Variants in SBF1 observed in about 807,000 individuals in gnomAD.
The protein encoded by SBF1 is myotubularin-related protein 5.
Under a neutral mutation model 215.8 loss-of-function variants are expected in SBF1, and 65 were observed. That is an observed-to-expected ratio of 0.30 (90% CI 0.25 to 0.37). The LOEUF (loss-of-function observed/expected upper bound fraction) is 0.37. SBF1 is among the 10% of genes least tolerant of loss of function. The pLI is 1.00. For synonymous variants in SBF1, 1,410 were observed against 1,122.8 expected, an observed-to-expected ratio of 1.26 and a Z score of -5.11; for missense variants, 2,634 against 2,667.8, an observed-to-expected ratio of 0.99 and a Z score of 0.28.
chr22:50,465,654 G>A, intron 10 of SBF1, 109 bp downstream of exon 10: 2 of 1,034,406 alleles, frequency 1.9e-6, no homozygotes, highest in Non-Finnish European at 2.8e-6. Context: ...TCTGCTACTG[G>A]AGCCGGGGCC....
Position 50,460,576 on chromosome 22 carries a change from C to T in SBF1, c.3104G>A (p.Gly1035Asp). ...AFTLGSAHTP[G>D]RPPRVTKDKG... is the part of the protein sequence containing the mutation. ...GTCCTTGGTGACTCGCGGTGGCCGG[C>T]CAGGTGTGTGGGCAGAGCCCAAGGT... Residue 1035 changes from glycine (G) to aspartate (D), a missense_variant, in exon 24 of 41, where the codon GGC (glycine) becomes GAC (aspartate). Gly to Asp is a moderately conservative substitution (Grantham distance 94). Transcript: ENST00000380817. 6.2e-7 allele frequency: 1 copy of T among 1,614,120 alleles called. No homozygotes were observed. The highest frequency in any genetic ancestry group is 8.5e-7 in the Non-Finnish European group (1 of 1,180,026).
intron 1 of SBF1, among the ~76,000 whole-genome samples, chr22:50,473,186 A>C (rs895464568): frequency 6.6e-6 from 1 of 152,018 alleles, no homozygotes; most frequent in Non-Finnish European, 1.5e-5. Context: ...AGTCTCTACC[A>C]ACCCAAACCC....
chr22:50,462,128 G>C lies in SBF1; in HGVS notation c.2397-9C>G, dbSNP rs756406937. 10 of 1,612,248 alleles carry C rather than the reference G, an allele frequency of 6.2e-6. No homozygotes were observed. The Admixed American group carries it at 1.3e-4, about 21-fold the overall frequency. ...CCACACTGCCAGCCATGCTGGGCCA[G>C]AGAAGAAACTGTGGGCATGGGCCCT... On this transcript the variant is annotated splice_polypyrimidine_tract_variant and intron_variant, in intron 19 of 40. Transcript: ENST00000380817.
intron 30 of SBF1, 24 bp downstream of exon 30, chr22:50,456,468 C>A: frequency 2.0e-6 from 3 of 1,503,926 alleles, no homozygotes; most frequent in Non-Finnish European, 2.7e-6. Context: ...CACCCTCACC[C>A]CCCACCCCCC....
In SBF1 at chr22:50,467,778, A is replaced by C; in HGVS notation, c.279+8T>G. 6.2e-7 allele frequency: 1 copy of C among 1,613,776 alleles called. No individual in the cohort carries two copies. Among genetic ancestry groups the C allele is most frequent in the Non-Finnish European group, 8.5e-7 (1 of 1,179,940 alleles). ...CATTCATGCTGTACCCAGAGGCCCC[A>C]AGCTGACCTGTGAAGGCTCCGCTGG... On this transcript the variant is annotated splice_region_variant and intron_variant, in intron 3 of 40. Coordinates refer to ENST00000380817, the MANE Select transcript of SBF1 (RefSeq NM_002972.4).
chr22:50,454,901 C>G lies in SBF1; in HGVS notation c.4725G>C (p.Pro1575=), dbSNP rs778315437. The change falls in exon 35 of 41, where the codon CCG becomes CCC. Residue 1575 remains proline, a synonymous_variant. Coordinates refer to ENST00000380817, the MANE Select transcript of SBF1 (RefSeq NM_002972.4). ...EEKGERRGQV[P]CRSVWEYVDR... ...CCACATACTCCCACACAGACCTGCA[C>G]GGCACCTGGCCCCTGCGTTCCCCCT... The G allele has an allele frequency of 6.2e-7, 1 of 1,614,118 alleles. No homozygotes were observed. The highest frequency in any genetic ancestry group is 1.1e-5 in the South Asian group (1 of 91,084).
In SBF1 at chr22:50,461,623, C is replaced by T. The variant is rs137999607; in HGVS notation, c.2739G>A (p.Ala913=). ...YLLPDGREEG[A]GGSAGGPALL... ...ATGCTGGTCCCCCAGCACTGCCCCCCGCGCCCTCCTCACGCCCATCCGGCA... is the reference window on the plus strand; with the variant it reads ...ATGCTGGTCCCCCAGCACTGCCCCCTGCGCCCTCCTCACGCCCATCCGGCA... The change falls in exon 22 of 41, where the codon GCG becomes GCA. Residue 913 remains alanine, a synonymous_variant. Coordinates refer to ENST00000380817, the MANE Select transcript of SBF1 (RefSeq NM_002972.4). The T allele has an allele frequency of 1.1e-5, 17 of 1,611,564 alleles. No individual in the cohort carries two copies. The highest frequency in any genetic ancestry group is 1.7e-4 in the Middle Eastern group (1 of 6,058).
Position 50,467,467 on chromosome 22 carries a change from G to C in SBF1, c.439-19C>G, listed in dbSNP as rs2067817375. 6.2e-7 allele frequency: 1 copy of C among 1,613,928 alleles called. No homozygotes were observed. Among genetic ancestry groups the C allele is most frequent in the Non-Finnish European group, 8.5e-7 (1 of 1,179,948 alleles). ...GGCTGTTCTGCAATGACCAGAGCGG[G>C]GAGTGGTGGGACAGCCGATGGAAGC... On this transcript the variant is annotated intron_variant, in intron 4 of 40. Transcript: ENST00000380817.
rs753421069 is a variant in SBF1, at chr22:50,465,813, C to T, written c.1039G>A (p.Asp347Asn). 1.2e-6 allele frequency: 2 copies of T among 1,612,040 alleles called. No homozygotes were observed. Among genetic ancestry groups the T allele is most frequent in the African/African-American group, 2.7e-5 (2 of 74,902 alleles). The stretch of plus-strand genomic sequence containing the variant: ...GTCGTGGGCGGAGGGAAGGCGAGGT[C>T]AGCCAACTCCAGCTCCGGGTCCAGG... ...MVLDPELELADLAFPPPTTST... is the reference protein window; with the variant it reads ...MVLDPELELANLAFPPPTTST... Residue 347 changes from aspartate to asparagine, a missense_variant, in exon 10 of 41, where the codon GAC (aspartate) becomes AAC (asparagine). Coordinates refer to ENST00000380817, the MANE Select transcript of SBF1 (RefSeq NM_002972.4).
At chr22:50,449,025 G>A (rs928961484) in intron 36 of SBF1, among the ~76,000 whole-genome samples, 1 of 151,734 alleles carries the variant, frequency 6.6e-6, no homozygotes, top group African/African-American at 2.4e-5. Flanking sequence ...TGGAGAAACC[G>A]CATCTCTACT....
chr22:50,446,830 G>T lies in SBF1; in HGVS notation c.*312C>A, dbSNP rs1380512033. On this transcript the variant is annotated 3_prime_UTR_variant, in exon 41 of 41. Coordinates refer to ENST00000380817, the MANE Select transcript of SBF1 (RefSeq NM_002972.4). ...GTGGCGTTAGTTCTCTCTTTATATA[G>T]ACTCTGGTTCTAGAAACTCGCCTGC... 2.8e-6 allele frequency: 2 copies of T among 704,018 alleles called. No individual in the cohort carries two copies. Among genetic ancestry groups the T allele is most frequent in the Non-Finnish European group, 5.3e-6 (2 of 379,662 alleles). 43.6% of individuals were successfully genotyped at this position (704,018 alleles called of 1,614,324 possible).
intron 5 of SBF1, 121 bp downstream of exon 5, chr22:50,467,217 C>A (rs893398610): frequency 1.3e-6 from 1 of 774,704 alleles, no homozygotes; most frequent in Non-Finnish European, 2.1e-6. Flanking sequence ...GGCACGAGGA[C>A]GCAAGAGGGA....
intron 28 of SBF1, 92 bp from the exon 29 acceptor site, chr22:50,457,203 GC>G: frequency 4.7e-6 from 5 of 1,066,312 alleles, no homozygotes; most frequent in Non-Finnish European, 6.4e-6. Flanking sequence ...GTTCCACCAA[GC>G]CCCCAGGGAG....
In SBF1 at chr22:50,464,876, G is replaced by A. The variant is rs1357454290; in HGVS notation, c.1374C>T (p.Asn458=). ...CGTGACGCAGGACACGCTGGGGGTG[G>A]TTCTCATCCGCCCGCATCCTTGCCA... is the stretch of plus-strand genomic sequence containing the variant. ...HEVARMRADE[N]HPQRVLRHVQ... The change falls in exon 13 of 41, where the codon AAC becomes AAT. Residue 458 remains asparagine, a synonymous_variant. Coordinates refer to ENST00000380817, the MANE Select transcript of SBF1 (RefSeq NM_002972.4). 2 of 1,613,724 alleles carry A rather than the reference G, an allele frequency of 1.2e-6. No individual in the cohort carries two copies. The highest frequency in any genetic ancestry group is 1.1e-5 in the South Asian group (1 of 91,076).
chr22:50,468,225 G>T, intron 2 of SBF1, 151 bp downstream of exon 2: 1 of 760,176 alleles, frequency 1.3e-6, no homozygotes, highest in Non-Finnish European at 2.1e-6. Context: ...GGCCAAGCCG[G>T]TCAAACCCCC....
At position 50,462,295 on chromosome 22, in the gene SBF1, A is replaced by G. The variant is rs1489023871; in HGVS notation, c.2306T>C (p.Leu769Pro). The change falls in exon 19 of 41, where the codon CTG becomes CCG. Residue 769 changes from leucine to proline, a missense_variant. By Grantham distance (98) the Leu-to-Pro change is moderately conservative. Transcript: ENST00000380817. ...GCGGCTCTTGCTGCTGTCCAGGGGCAGGAGGAGGTAGCTCATGCGGTTGGC... is the reference window on the plus strand; with the variant it reads ...GCGGCTCTTGCTGCTGTCCAGGGGCGGGAGGAGGTAGCTCATGCGGTTGGC... ...HYANRMSYLL[L>P]PLDSSKSRLL... 3.1e-6 allele frequency: 5 copies of G among 1,613,462 alleles called. No individual in the cohort carries two copies. Among genetic ancestry groups the G allele is most frequent in the Non-Finnish European group, 4.2e-6 (5 of 1,180,012 alleles).
rs762941516 is a variant in SBF1 at position 50,468,367 on chromosome 22, C to G, written c.141+9G>C. On this transcript the variant is annotated intron_variant, in intron 2 of 40. Transcript: ENST00000380817. ...CTGCCAGCACCGTCTCAGCACGCCC[C>G]CAACTCACCAGCTCGATGCCCTGGG... is the stretch of plus-strand genomic sequence containing the variant. 4 of 1,611,762 alleles carry G rather than the reference C, an allele frequency of 2.5e-6. No individual in the cohort carries two copies. In the Admixed American group the frequency reaches 5.0e-5, roughly 20 times the overall value.
Position 50,466,497 on chromosome 22 carries a change from G to C in SBF1, c.656-15C>G, listed in dbSNP as rs747707125. The C allele has an allele frequency of 6.4e-5, 98 of 1,537,788 alleles. No individual in the cohort carries two copies. The highest frequency in any genetic ancestry group is 8.4e-5 in the Non-Finnish European group (96 of 1,137,746). The stretch of plus-strand genomic sequence containing the variant: ...GTTGGTGATGCCTAAAGGAAGAAGA[G>C]AAGCTTGGAGAGGACCCTGGGCCCC... On this transcript the variant is annotated splice_polypyrimidine_tract_variant and intron_variant, in intron 6 of 40. Transcript: ENST00000380817.
intron 1 of SBF1, 58 bp downstream of exon 1, chr22:50,474,728 T>TC: frequency 3.4e-6 from 4 of 1,177,822 alleles, no homozygotes; most frequent in Non-Finnish European, 4.5e-6. Context: ...ACCCAGCCCC[T>TC]GGCCCTCAGC....
Sources: gnomAD v4.1 joint callset for allele counts (sites outside exome capture counted in the v4.1 genomes callset) on GRCh38, gnomAD v4.1.1 for gene constraint, MANE v1.5 for transcripts, NCBI Gene and HGNC (gene_info 2026-07-23, HGNC 2026-07-21) for gene names.